CCAR1: variants seen among roughly 807,000 people sequenced by gnomAD.
CCAR1 encodes cell division cycle and apoptosis regulator 1, also known as cell division cycle and apoptosis regulator protein 1.
CCAR1 carries 78 observed loss-of-function variants against 163.8 expected under a neutral mutation model. The ratio of observed to expected loss-of-function variants is 0.48; its 90% CI spans 0.40 to 0.57. The LOEUF (loss-of-function observed/expected upper bound fraction) is 0.57. Among genes scored for constraint, CCAR1 ranks in the 20% least tolerant of loss-of-function variants. The probability of loss-of-function intolerance (pLI) is 0.00; values close to 1 mark genes in which losing one functional copy is unlikely to be tolerated. For synonymous variants in CCAR1, 443 were observed against 460.7 expected (o/e 0.96, Z 0.49); for missense variants, 1,019 against 1,365.2 (o/e 0.75, Z 4.00).
chr10:68,748,726 T>G (rs1434043176), intron 8 of CCAR1, among the ~76,000 whole-genome samples: 1 of 152,038 alleles, frequency 6.6e-6, no homozygotes, highest in Non-Finnish European at 1.5e-5. Flanking sequence ...TTTCTTTCTT[T>G]TTTTGGAGAC....
chr10:68,729,434 T>C (rs952818313), intron 2 of CCAR1, among the ~76,000 whole-genome samples: 3 of 151,934 alleles, frequency 2.0e-5, no homozygotes, highest in African/African-American at 7.2e-5. Flanking sequence ...CACGCCCGGC[T>C]AATTTTTTGT....
chr10:68,723,804 C>T lies in CCAR1; in HGVS notation c.73+1227C>T, dbSNP rs187587799. On this transcript the variant is annotated intron_variant, in intron 2 of 24. Transcript: ENST00000265872. Reference sequence around the variant, plus strand: ...TGAAGCTTGCAGCGAGCTGAGATCGCGCCACTGCACTTCAGCCTGGGTGAC... The same window carrying T: ...TGAAGCTTGCAGCGAGCTGAGATCGTGCCACTGCACTTCAGCCTGGGTGAC... 2.0e-5 allele frequency among the ~76,000 whole-genome samples: 3 copies of T among 149,748 alleles called. No homozygotes were observed. The East Asian group carries it at 6.0e-4, about 30-fold the overall frequency.
At chr10:68,787,804 C>T (rs976755982) in intron 21 of CCAR1, 123 bp from the exon 22 acceptor site, 6 of 874,178 alleles carry the variant, frequency 6.9e-6, no homozygotes, top group Non-Finnish European at 1.0e-5. Flanking sequence ...CACTGCACTC[C>T]AGTTTGGGCG....
intron 19 of CCAR1, among the ~76,000 whole-genome samples, chr10:68,779,527 G>A (rs1045630006): frequency 3.3e-5 from 5 of 152,126 alleles, no homozygotes; most frequent in East Asian, 1.9e-4. Flanking sequence ...CCAAAGTGCC[G>A]GGATTACAGG....
chr10:68,757,410 T>A, intron 15 of CCAR1, 33 bp downstream of exon 15: 1 of 1,248,268 alleles, frequency 8.0e-7, no homozygotes, highest in Non-Finnish European at 1.2e-6. Flanking sequence ...TTATTTATTT[T>A]TTTCAATTAA....
At chr10:68,738,616 T>C (rs1437444617) in intron 4 of CCAR1, among the ~76,000 whole-genome samples, 3 of 152,166 alleles carry the variant, frequency 2.0e-5, no homozygotes, top group African/African-American at 7.2e-5. Context: ...CTTTATTTTT[T>C]ATTTTTAAAA....
At chr10:68,775,086 C>T in intron 19 of CCAR1, 1 of 287,486 alleles carries the variant, frequency 3.5e-6, no homozygotes, top group South Asian at 3.1e-5. Flanking sequence ...GTGCAGTGAA[C>T]ACCTGTGTAT....
intron 23 of CCAR1, among the ~76,000 whole-genome samples, chr10:68,789,494 G>C (rs534710014): frequency 8.6e-5 from 13 of 151,964 alleles, no homozygotes; most frequent in African/African-American, 2.6e-4. Context: ...GTGCCACTTC[G>C]CTCAAGCTGG....
intron 16 of CCAR1, among the ~76,000 whole-genome samples, chr10:68,765,050 TTAC>T (rs1244145669): frequency 6.6e-6 from 1 of 152,238 alleles, no homozygotes; most frequent in Non-Finnish European, 1.5e-5. Context: ...AGTTCTGCTC[TTAC>T]GTTTTGTTGT....
At chr10:68,761,768 A>G (rs1335836698) in intron 16 of CCAR1, among the ~76,000 whole-genome samples, 1 of 151,096 alleles carries the variant, frequency 6.6e-6, no homozygotes, top group South Asian at 2.1e-4. Context: ...ACGCCTGGCT[A>G]ATTTTGTGTT....
intron 2 of CCAR1, among the ~76,000 whole-genome samples, chr10:68,728,931 G>A (rs1342110421): frequency 2.0e-5 from 3 of 150,938 alleles, no homozygotes; most frequent in African/African-American, 7.3e-5. Context: ...CAACCTGGGC[G>A]ATAGAGCTGG....
chr10:68,746,834 T>C (rs930951747), intron 6 of CCAR1, among the ~76,000 whole-genome samples: 2 of 152,126 alleles, frequency 1.3e-5, no homozygotes, highest in Admixed American at 1.3e-4. Flanking sequence ...TGTCTCGGCC[T>C]CCCAAAGTGC....
chr10:68,771,502 T>C lies in CCAR1; in HGVS notation c.2538+57T>C, dbSNP rs546424235. On this transcript the variant is annotated intron_variant, in intron 18 of 24. Coordinates refer to ENST00000265872, the MANE Select transcript of CCAR1 (RefSeq NM_018237.4). ...CAGTTACTCTTCTAGGTTATAAAGG[T>C]TGATGTTGATTTCCATCAGAATATT... 8.5e-6 allele frequency: 12 copies of C among 1,405,642 alleles called. No individual in the cohort carries two copies. The East Asian group carries it at 1.8e-4, about 21-fold the overall frequency. 87.1% of individuals were successfully genotyped at this position (1,405,642 alleles called of 1,614,324 possible). A position where few individuals can be genotyped will look rare whatever the true frequency, so the allele number is the denominator to read the frequency against.
intron 2 of CCAR1, among the ~76,000 whole-genome samples, chr10:68,729,470 T>C (rs2056002286): frequency 6.6e-6 from 1 of 151,840 alleles, no homozygotes; most frequent in Non-Finnish European, 1.5e-5. Context: ...AGGGTTTCAC[T>C]GTGTTAGCCA....
At chr10:68,723,571 G>A (rs559554637) in intron 2 of CCAR1, among the ~76,000 whole-genome samples, 25 of 152,014 alleles carry the variant, frequency 1.6e-4, no homozygotes, top group African/African-American at 5.1e-4. Flanking sequence ...TAAATGGGCC[G>A]GGCGCGGTGA....
In CCAR1 at chr10:68,752,259, A is replaced by G. The variant is rs540652064; in HGVS notation, c.1119-1593A>G. On this transcript the variant is annotated intron_variant, in intron 10 of 24. Transcript: ENST00000265872. ...CCACTTTGAAGTAAATTCCGAGAACATTAAATGGATCTCTTGCAAGTAAAA... is the reference window on the plus strand; with the variant it reads ...CCACTTTGAAGTAAATTCCGAGAACGTTAAATGGATCTCTTGCAAGTAAAA... Among the ~76,000 whole-genome samples the G allele has an allele frequency of 1.0e-3, 154 of 152,248 alleles. 1 individual carries two copies. Among genetic ancestry groups the G allele is most frequent in the African/African-American group, 3.6e-3 (150 of 41,562 alleles).
At chr10:68,784,267 G>A (rs1367493548) in intron 19 of CCAR1, among the ~76,000 whole-genome samples, 2 of 152,040 alleles carry the variant, frequency 1.3e-5, no homozygotes, top group Non-Finnish European at 2.9e-5. Context: ...CCAGGATGGA[G>A]TGCAGTGCCG....
chr10:68,771,079 A>AG, intron 17 of CCAR1, 127 bp from the exon 18 acceptor site: 1 of 695,002 alleles, frequency 1.4e-6, no homozygotes, highest in African/African-American at 1.8e-5. Context: ...CTCCATCTCA[A>AG]AAAAAAAAAA....
At chr10:68,776,315 G>C (rs916336174) in intron 19 of CCAR1, among the ~76,000 whole-genome samples, 4 of 150,718 alleles carry the variant, frequency 2.7e-5, no homozygotes, top group African/African-American at 9.8e-5. Context: ...TGTAATCCCA[G>C]CACTTTGGGA....
Sources: allele counts gnomAD v4.1 joint callset (sites outside exome capture counted in the v4.1 genomes callset), GRCh38; gene constraint gnomAD v4.1.1; transcripts MANE v1.5; gene names NCBI Gene and HGNC (gene_info 2026-07-23, HGNC 2026-07-21).